HTN1: variants seen among roughly 807,000 people sequenced by gnomAD.
HTN1 encodes histatin 1.
Under a neutral mutation model 11.2 loss-of-function variants are expected in HTN1, and 18 were observed. That is an observed-to-expected ratio of 1.61 (90% CI 1.12 to 2.39). HTN1 has a LOEUF of 2.39. HTN1 is among the 30% of genes most tolerant of loss of function. The pLI, the probability that HTN1 is intolerant of heterozygous loss-of-function variation, is 0.00. For synonymous variants in HTN1, 21 were observed against 20.5 expected (o/e 1.02, Z -0.07); for missense variants, 80 against 67.2 (o/e 1.19, Z -0.67).
intron 5 of HTN1, chr4:70,058,131 G>T (rs377747334): frequency 1.3e-5 from 2 of 152,162 alleles, no homozygotes; most frequent in South Asian, 2.1e-4. Context: ...AGTTCAAAAG[G>T]TGTCAAATAT....
chr4:70,055,641 A>G, intron 5 of HTN1, 39 bp downstream of exon 5: 1 of 923,006 alleles, frequency 1.1e-6, no homozygotes, highest in Non-Finnish European at 1.7e-6. Context: ...TAGAAGTGTC[A>G]ACACTGACAG....
chr4:70,053,403 A>G (rs1438030088), intron 2 of HTN1, among the ~76,000 whole-genome samples: 1 of 152,166 alleles, frequency 6.6e-6, no homozygotes, highest in Non-Finnish European at 1.5e-5. Flanking sequence ...TGGGACTAAG[A>G]TCTGTGAAAG....
chr4:70,052,822 G>A (rs534956084), intron 1 of HTN1: 4 of 312,484 alleles, frequency 1.3e-5, no homozygotes, highest in East Asian at 5.1e-5. Context: ...GAAAAAATTC[G>A]CTGGGCATGG....
In HTN1 at chr4:70,056,622, G is replaced by GT. The variant is rs990972599; in HGVS notation, c.*33+1023dup. 17 of 152,112 alleles carry GT rather than the reference G, an allele frequency of 1.1e-4. No homozygotes were observed. The South Asian group carries it at 1.9e-3, about 17-fold the overall frequency. The allele number at this position is 152,112 out of a possible 1,614,324, so 9.4% of individuals were successfully genotyped here. On this transcript the variant is annotated intron_variant, in intron 5 of 5. Coordinates refer to ENST00000246896, the MANE Select transcript of HTN1 (RefSeq NM_002159.4). The stretch of plus-strand genomic sequence containing the variant: ...GGCAACCTAGAGAATGGGAGAAAAT[G>GT]TTTGCAATCTACTCATCTGTCGAGC...
chr4:70,054,259 A>G, intron 2 of HTN1, 63 bp from the exon 3 acceptor site: 1 of 1,048,660 alleles, frequency 9.5e-7, no homozygotes, highest in South Asian at 1.6e-5. Context: ...GTCAATATTT[A>G]TACTTACTCT....
At chr4:70,051,890 A>G (rs1725902848) in intron 1 of HTN1, among the ~76,000 whole-genome samples, 1 of 152,142 alleles carries the variant, frequency 6.6e-6, no homozygotes, top group Non-Finnish European at 1.5e-5. Context: ...TTACCTATTA[A>G]TGAATTACTT....
chr4:70,055,305 A>G (rs558595582), intron 4 of HTN1, among the ~76,000 whole-genome samples, 193 bp from the exon 5 acceptor site: 2 of 152,216 alleles, frequency 1.3e-5, no homozygotes, highest in African/African-American at 4.8e-5. Context: ...TAAATACTTT[A>G]TCATTTTTAC....
At chr4:70,058,386 T>G (rs1023164973) in intron 5 of HTN1, 194 bp from the exon 6 acceptor site, 1 of 152,150 alleles carries the variant, frequency 6.6e-6, no homozygotes, top group Non-Finnish European at 1.5e-5. Context: ...AAATGCTGAA[T>G]GATAATTTTT....
chr4:70,051,303 G>T (rs1725886605), intron 1 of HTN1, among the ~76,000 whole-genome samples: 1 of 151,914 alleles, frequency 6.6e-6, no homozygotes. Flanking sequence ...ATAATGCAAA[G>T]CATATACTGT....
At chr4:70,054,732 T>C (rs941676718) in intron 4 of HTN1, among the ~76,000 whole-genome samples, 5 of 152,070 alleles carry the variant, frequency 3.3e-5, no homozygotes, top group African/African-American at 1.2e-4. Flanking sequence ...ACCTAAAGAA[T>C]AGTTGAAATC....
intron 1 of HTN1, among the ~76,000 whole-genome samples, chr4:70,051,434 T>C (rs1409350178): frequency 2.0e-5 from 3 of 152,170 alleles, no homozygotes; most frequent in South Asian, 4.1e-4. Flanking sequence ...TTGGGAAATA[T>C]GTTTTTCATA....
chr4:70,055,660 A>C, intron 5 of HTN1, 58 bp downstream of exon 5: 1 of 786,372 alleles, frequency 1.3e-6, no homozygotes, highest in Non-Finnish European at 2.1e-6. Flanking sequence ...AGTTTAAAAA[A>C]AAAGCCATAA....
At chr4:70,055,879 A>G in intron 5 of HTN1, 2 of 218,672 alleles carry the variant, frequency 9.1e-6, no homozygotes, top group Non-Finnish European at 8.9e-6. Context: ...AGGTAGTGTG[A>G]TGCCTTCAGC....
intron 2 of HTN1, among the ~76,000 whole-genome samples, chr4:70,053,874 A>G (rs772377548): frequency 2.8e-4 from 43 of 152,292 alleles, no homozygotes; most frequent in Middle Eastern, 3.4e-3. Flanking sequence ...ACAGTTTATC[A>G]CGTGATTTTA....
In HTN1 at chr4:70,054,346, A is replaced by G; in HGVS notation, c.72+4A>G. On this transcript the variant is annotated splice_donor_region_variant and intron_variant, in intron 3 of 5. Transcript: ENST00000246896. The stretch of plus-strand genomic sequence containing the variant: ...GAGCGCTGATTCACATGAAAAGGTA[A>G]GACATTTTCATTTACGGGAAAACTT... 1 of 1,533,538 alleles carries G rather than the reference A, an allele frequency of 6.5e-7. No individual in the cohort carries two copies. The highest frequency in any genetic ancestry group is 8.9e-7 in the Non-Finnish European group (1 of 1,125,972). 95.0% of individuals were successfully genotyped at this position (1,533,538 alleles called of 1,614,324 possible).
chr4:70,055,679 C>G (rs1307400662), intron 5 of HTN1, 77 bp downstream of exon 5: 5 of 680,096 alleles, frequency 7.4e-6, no homozygotes, highest in Admixed American at 5.5e-5. Flanking sequence ...AAGCTAACAA[C>G]CATTCCAGTT....
At position 70,053,694 on chromosome 4, in the gene HTN1, G is replaced by GA. The variant is rs1444828980; in HGVS notation, c.51+568dup. Among the ~76,000 whole-genome samples the GA allele has an allele frequency of 5.3e-5, 8 of 151,946 alleles. No individual in the cohort carries two copies. In the East Asian group the frequency reaches 1.2e-3, roughly 22 times the overall value. On this transcript the variant is annotated intron_variant, in intron 2 of 5. Transcript: ENST00000246896. ...CTGTGTATTAGTAGGAAAAGCACTT[G>GA]ACCTCTTTGGAGCTCTTTCTCCTTC...
intron 4 of HTN1, 136 bp from the exon 5 acceptor site, chr4:70,055,362 G>T: frequency 1.5e-6 from 1 of 657,214 alleles, no homozygotes; most frequent in Non-Finnish European, 2.7e-6. Context: ...GTAAAAGTTT[G>T]AAAACATTTA....
chr4:70,051,432 T>A (rs1294847580), intron 1 of HTN1, among the ~76,000 whole-genome samples: 1 of 152,148 alleles, frequency 6.6e-6, no homozygotes, highest in African/African-American at 2.4e-5. Flanking sequence ...ACTTGGGAAA[T>A]ATGTTTTTCA....
Sources: allele counts gnomAD v4.1 joint callset (sites outside exome capture counted in the v4.1 genomes callset), GRCh38; gene constraint gnomAD v4.1.1; transcripts MANE v1.5; gene names NCBI Gene and HGNC (gene_info 2026-07-23, HGNC 2026-07-21).